The following XPO6 variants were observed in gnomAD, a reference collection of about 807,000 sequenced individuals.
XPO6 encodes the protein exportin-6.
In XPO6, 3 loss-of-function variants were observed where a neutral mutation model predicts 130.0. The observed-to-expected ratio is 0.02, with a 90% CI of 0.01 to 0.06. XPO6 has a LOEUF of 0.06. XPO6 is among the 10% of genes least tolerant of loss of function. XPO6 has a pLI of 1.00. For synonymous variants in XPO6, 524 were observed against 548.9 expected (o/e 0.95, Z 0.63); for missense variants, 970 against 1,393.0 (o/e 0.70, Z 4.83).
In XPO6 at chr16:28,106,567, A is replaced by G. The variant is rs890600043; in HGVS notation, c.2498-70T>C. 3.2e-6 allele frequency: 4 copies of G among 1,262,578 alleles called. No homozygotes were observed. The highest frequency in any genetic ancestry group is 4.6e-6 in the Non-Finnish European group (4 of 869,356). 78.2% of individuals were successfully genotyped at this position (1,262,578 alleles called of 1,614,324 possible). A position where few individuals can be genotyped will look rare whatever the true frequency, so the allele number is the denominator to read the frequency against. Reference sequence around the variant, plus strand: ...AGAACCAGAACCCTGGGCTTCATCAACCTACTCCTGAAATCTGCACTATCA... The same window carrying G: ...AGAACCAGAACCCTGGGCTTCATCAGCCTACTCCTGAAATCTGCACTATCA... On this transcript the variant is annotated intron_variant, in intron 18 of 23. Transcript: ENST00000304658. This position sits in a 1 kb window ranked among gnomAD's most constrained non-coding sequence, Gnocchi z 4.2.
Position 28,116,190 on chromosome 16 carries a change from G to A in XPO6, c.2004+1128C>T, listed in dbSNP as rs1007191363. Among the ~76,000 whole-genome samples the A allele has an allele frequency of 5.3e-5, 8 of 151,758 alleles. No individual in the cohort carries two copies. In the East Asian group the frequency reaches 5.9e-4, roughly 11 times the overall value. Reference sequence around the variant, plus strand: ...AAGAGCCTTTGGCCAGGCCGGGCGCGGTGGCTCACGCCCGTAATCCCAGCA... The same window carrying A: ...AAGAGCCTTTGGCCAGGCCGGGCGCAGTGGCTCACGCCCGTAATCCCAGCA... On this transcript the variant is annotated intron_variant, in intron 15 of 23. Coordinates refer to ENST00000304658, the MANE Select transcript of XPO6 (RefSeq NM_015171.4).
chr16:28,168,750 C>A (rs1253146625), intron 5 of XPO6, among the ~76,000 whole-genome samples: 1 of 151,010 alleles, frequency 6.6e-6, no homozygotes, highest in African/African-American at 2.4e-5. Context: ...TACAGGCATG[C>A]ATCATCACAC....
At position 28,107,904 on chromosome 16, in the gene XPO6, T is replaced by C. The variant is rs1157669272; in HGVS notation, c.2342-227A>G. Among the ~76,000 whole-genome samples, 3 of 152,282 alleles carry C rather than the reference T, an allele frequency of 2.0e-5. No homozygotes were observed. The East Asian group carries it at 5.8e-4, about 29-fold the overall frequency. On this transcript the variant is annotated intron_variant, in intron 17 of 23. Coordinates refer to ENST00000304658, the MANE Select transcript of XPO6 (RefSeq NM_015171.4). ...GGACTCCAGAAGCCTGGAATGTGTG[T>C]TGGGGAGAAGATGCCTGCCTGCCTG...
At chr16:28,108,613 C>A (rs1344015192) in intron 17 of XPO6, among the ~76,000 whole-genome samples, 1 of 152,312 alleles carries the variant, frequency 6.6e-6, no homozygotes, top group East Asian at 1.9e-4. Context: ...ACCAGCCTCC[C>A]CAAAGTGACG....
chr16:28,156,448 C>G lies in XPO6; in HGVS notation c.723G>C (p.Glu241Asp). Residue 241 changes from glutamate (E) to aspartate (D), a missense_variant, in exon 7 of 24, where the codon GAG (glutamate) becomes GAC (aspartate). Glu to Asp is a conservative substitution (Grantham distance 45). Around this residue, in one of 4 missense-constraint regions of XPO6, gnomAD observed 936 missense variants for 1,306.8 expected, o/e 0.72. Coordinates refer to ENST00000304658, the MANE Select transcript of XPO6 (RefSeq NM_015171.4). The part of the protein sequence containing the change: ...LNQPIPILDV[E>D]SEYICSLALE... ...AAGCCAGGGAACAGATATACTCACTCTCCACATCAAGGATGGGAATTGGCT... is the reference window on the plus strand; with the variant it reads ...AAGCCAGGGAACAGATATACTCACTGTCCACATCAAGGATGGGAATTGGCT... 6.2e-7 allele frequency: 1 copy of G among 1,612,990 alleles called. No individual in the cohort carries two copies. Among genetic ancestry groups the G allele is most frequent in the African/African-American group, 1.3e-5 (1 of 74,978 alleles).
At chr16:28,143,390 A>G (rs1162719006) in intron 9 of XPO6, among the ~76,000 whole-genome samples, 1 of 152,246 alleles carries the variant, frequency 6.6e-6, no homozygotes, top group Non-Finnish European at 1.5e-5. Context: ...TATTTTACAT[A>G]CATGATTTCC....
At chr16:28,112,061 G>C (rs187059599) in intron 16 of XPO6, 55 bp from the exon 17 acceptor site, 177 of 1,545,594 alleles carry the variant, frequency 1.1e-4, no homozygotes, top group Non-Finnish European at 1.4e-4. Context: ...ACCGTGGTGC[G>C]GCATGCCCAA....
At chr16:28,107,351 C>T (rs1169744927) in intron 18 of XPO6, among the ~76,000 whole-genome samples, 171 bp downstream of exon 18, 3 of 152,154 alleles carry the variant, frequency 2.0e-5, no homozygotes, top group Non-Finnish European at 2.9e-5. Flanking sequence ...GGGCCTTGGC[C>T]CTAGACTCCA....
chr16:28,133,747 A>AGG, intron 11 of XPO6, 94 bp downstream of exon 11: 1 of 1,081,268 alleles, frequency 9.2e-7, no homozygotes, highest in East Asian at 2.6e-5. Flanking sequence ...GAGGGGAAAG[A>AGG]GGGGAGAGAG....
chr16:28,177,110 G>T, intron 3 of XPO6, 110 bp downstream of exon 3: 1 of 598,050 alleles, frequency 1.7e-6, no homozygotes, highest in Non-Finnish European at 2.8e-6. Flanking sequence ...CGACATCCCA[G>T]AGCTGAGCTA....
chr16:28,152,120 T>G (rs1006689425), intron 8 of XPO6, among the ~76,000 whole-genome samples: 5 of 152,150 alleles, frequency 3.3e-5, no homozygotes, highest in Non-Finnish European at 7.3e-5. Context: ...CTAGGGTCAC[T>G]AGAATGTAAG....
At chr16:28,195,934 G>C (rs1269261030) in intron 1 of XPO6, among the ~76,000 whole-genome samples, 8 of 152,008 alleles carry the variant, frequency 5.3e-5, no homozygotes, top group Admixed American at 5.2e-4. Flanking sequence ...TTATTTTTTT[G>C]ATCACGGAAG....
chr16:28,112,887 G>A lies in XPO6; in HGVS notation c.2151+17C>T. On this transcript the variant is annotated intron_variant, in intron 16 of 23. Transcript: ENST00000304658. ...TCACACAGCCCTGGGGACCCCGGGG[G>A]AGCTCTGGGGCCTCACCTTATCGAC... The A allele has an allele frequency of 6.2e-7, 1 of 1,609,192 alleles. No homozygotes were observed. Among genetic ancestry groups the A allele is most frequent in the South Asian group, 1.1e-5 (1 of 90,728 alleles).
chr16:28,158,746 C>T (rs1476751333), intron 6 of XPO6, among the ~76,000 whole-genome samples: 1 of 152,112 alleles, frequency 6.6e-6, no homozygotes, highest in Non-Finnish European at 1.5e-5. Context: ...AGGCCCCATC[C>T]CACACCTACT....
At chr16:28,158,882 G>GA (rs1002654359) in intron 6 of XPO6, among the ~76,000 whole-genome samples, 1 of 151,592 alleles carries the variant, frequency 6.6e-6, no homozygotes, top group African/African-American at 2.4e-5. Context: ...TGAAACAGGG[G>GA]AAAAAAAGCT....
At chr16:28,167,183 C>G (rs1350009502) in intron 5 of XPO6, 1 of 985,288 alleles carries the variant, frequency 1.0e-6, no homozygotes, top group African/African-American at 1.7e-5. Context: ...CTATATACAC[C>G]AAGCTCTGCC....
At chr16:28,195,685 G>A (rs1277400839) in intron 1 of XPO6, among the ~76,000 whole-genome samples, 5 of 152,136 alleles carry the variant, frequency 3.3e-5, no homozygotes, top group Non-Finnish European at 5.9e-5. Context: ...TCCAGGAGGC[G>A]GAGGTTGCAG....
intron 9 of XPO6, among the ~76,000 whole-genome samples, chr16:28,139,114 C>T (rs1238100350): frequency 1.3e-5 from 2 of 152,120 alleles, no homozygotes; most frequent in East Asian, 3.9e-4. Context: ...AAGACAGGGC[C>T]TATAAAAAGG....
chr16:28,186,326 A>G (rs1482324658), intron 1 of XPO6, among the ~76,000 whole-genome samples: 1 of 141,308 alleles, frequency 7.1e-6, no homozygotes, highest in Non-Finnish European at 1.5e-5. Context: ...ACAGTACTTT[A>G]CCGCCAGATA....
Sources: allele counts gnomAD v4.1 joint callset (sites outside exome capture counted in the v4.1 genomes callset), GRCh38; gene constraint gnomAD v4.1.1; regional missense constraint gnomAD v4.1.1; non-coding constraint Gnocchi (gnomAD v3.1); transcripts MANE v1.5; gene names NCBI Gene and HGNC (gene_info 2026-07-23, HGNC 2026-07-21).